Variants in RPA2 observed in about 807,000 individuals in gnomAD.
RPA2 encodes replication protein A 32 kDa subunit.
RPA2 carries 22 observed loss-of-function variants against 33.4 expected under a neutral mutation model. The ratio of observed to expected loss-of-function variants is 0.66; its 90% CI spans 0.47 to 0.94. The LOEUF (loss-of-function observed/expected upper bound fraction) is 0.94, where lower values mean the gene tolerates loss of function less well. Among genes scored for constraint, RPA2 ranks in the 40% least tolerant of loss-of-function variants. The probability of loss-of-function intolerance (pLI) is 0.00; values close to 1 mark genes in which losing one functional copy is unlikely to be tolerated. For missense variants in RPA2, 279 were observed against 329.9 expected, an observed-to-expected ratio of 0.85 and a Z score of 1.19; for synonymous variants, 109 against 114.9, an observed-to-expected ratio of 0.95 and a Z score of 0.33.
intron 6 of RPA2, among the ~76,000 whole-genome samples, chr1:27,895,624 G>A (rs922785461): frequency 6.3e-4 from 96 of 151,834 alleles, no homozygotes; most frequent in African/African-American, 2.1e-3. Flanking sequence ...CCAGCTACTC[G>A]GGAGGCTGAG....
chr1:27,913,964 C>G (rs958588113), intron 2 of RPA2, 99 bp downstream of exon 2: 2 of 1,096,908 alleles, frequency 1.8e-6, no homozygotes, highest in African/African-American at 1.6e-5. Flanking sequence ...CGCATCAGTT[C>G]ACGTTGAAAT....
intron 2 of RPA2, among the ~76,000 whole-genome samples, chr1:27,913,119 A>G (rs1010238947): frequency 6.6e-5 from 10 of 151,542 alleles, no homozygotes; most frequent in Admixed American, 6.6e-5. Context: ...CGCCTGGCTA[A>G]TTTTTGTATT....
At chr1:27,898,253 A>C (rs2089917453) in intron 4 of RPA2, among the ~76,000 whole-genome samples, 1 of 152,234 alleles carries the variant, frequency 6.6e-6, no homozygotes, top group South Asian at 2.1e-4. Flanking sequence ...ATTAAGATTT[A>C]GATTTATCAT....
At position 27,892,278 on chromosome 1, in the gene RPA2, T is replaced by C. The variant is rs536857342; in HGVS notation, c.729-31A>G. ...AAGAAAGAAGAAAAAAAAAAGGTCATTTTCAGGCCAATTCAGAAGGAAACT... is the reference window on the plus strand; with the variant it reads ...AAGAAAGAAGAAAAAAAAAAGGTCACTTTCAGGCCAATTCAGAAGGAAACT... On this transcript the variant is annotated intron_variant, in intron 8 of 8. Transcript: ENST00000373912. The C allele has an allele frequency of 3.2e-6, 5 of 1,585,438 alleles. No homozygotes were observed. The South Asian group carries it at 5.6e-5, about 18-fold the overall frequency.
In RPA2 at chr1:27,903,960, T is replaced by C. The variant is rs541247609; in HGVS notation, c.333+2968A>G. 2.7e-3 allele frequency among the ~76,000 whole-genome samples: 414 copies of C among 150,616 alleles called. 6 individuals are homozygous for C. Among genetic ancestry groups the C allele is most frequent in the African/African-American group, 9.7e-3 (397 of 40,902 alleles). The stretch of plus-strand genomic sequence containing the variant: ...CAGGTGGATCACCTGAGGTTGGGAG[T>C]TCGAGACCACCCTGACCAATACAGA... On this transcript the variant is annotated intron_variant, in intron 4 of 8. Coordinates refer to ENST00000373912, the MANE Select transcript of RPA2 (RefSeq NM_002946.5).
intron 2 of RPA2, 53 bp from the exon 3 acceptor site, chr1:27,907,335 A>T (rs960187213): frequency 9.7e-6 from 13 of 1,343,644 alleles, no homozygotes; most frequent in Non-Finnish European, 1.2e-5. Flanking sequence ...ACTACCACTC[A>T]TTCAACACCT....
At chr1:27,897,935 C>A (rs889628475) in intron 4 of RPA2, among the ~76,000 whole-genome samples, 1 of 152,182 alleles carries the variant, frequency 6.6e-6, no homozygotes, top group African/African-American at 2.4e-5. Context: ...TTCTGTAGCA[C>A]ATCATAAAAA....
At chr1:27,892,276 C>T in intron 8 of RPA2, 29 bp from the exon 9 acceptor site, 1 of 1,585,656 alleles carries the variant, frequency 6.3e-7, no homozygotes, top group South Asian at 1.1e-5. Context: ...AAAAAAAGGT[C>T]ATTTTCAGGC....
chr1:27,899,457 G>A (rs573797147), intron 4 of RPA2, among the ~76,000 whole-genome samples: 2 of 142,868 alleles, frequency 1.4e-5, no homozygotes, highest in East Asian at 2.3e-4. Context: ...GTGAGAGACT[G>A]TGCCACTGCA....
At position 27,892,143 on chromosome 1, in the gene RPA2, A is replaced by G. The variant is rs748865743; in HGVS notation, c.*20T>C. Reference sequence around the variant, plus strand: ...ACTAGGTCCAGCTGTAAAATATCTCAGGTACCCAGTTAGATCCAGTTATTC... The same window carrying G: ...ACTAGGTCCAGCTGTAAAATATCTCGGGTACCCAGTTAGATCCAGTTATTC... On this transcript the variant is annotated 3_prime_UTR_variant, in exon 9 of 9. Coordinates refer to ENST00000373912, the MANE Select transcript of RPA2 (RefSeq NM_002946.5). 3.1e-6 allele frequency: 5 copies of G among 1,588,572 alleles called. No homozygotes were observed. The highest frequency in any genetic ancestry group is 3.3e-5 in the Admixed American group (2 of 59,856).
chr1:27,905,441 G>A lies in RPA2; in HGVS notation c.333+1487C>T, dbSNP rs542348933. Among the ~76,000 whole-genome samples, 48 of 151,716 alleles carry A rather than the reference G, an allele frequency of 3.2e-4. 1 individual carries two copies. The South Asian group carries it at 5.8e-3, about 18-fold the overall frequency. On this transcript the variant is annotated intron_variant, in intron 4 of 8. Coordinates refer to ENST00000373912, the MANE Select transcript of RPA2 (RefSeq NM_002946.5). ...CCTGAGTAGCTGGGATTATAGGTGC[G>A]CAGAACCACGCCCGGCTAATTTTTG...
At chr1:27,906,717 T>C (rs1234680035) in intron 4 of RPA2, among the ~76,000 whole-genome samples, 1 of 152,160 alleles carries the variant, frequency 6.6e-6, no homozygotes, top group African/African-American at 2.4e-5. Context: ...GAACTTAACA[T>C]TCTACTGTCT....
Position 27,914,149 on chromosome 1 carries a change from T to G in RPA2, c.31A>C (p.Ser11Arg), listed in dbSNP as rs2090137852. The change falls in exon 2 of 9, where the codon AGC (serine) becomes CGC (arginine). Residue 11 changes from serine (S) to arginine (R), a missense_variant. By Grantham distance (110) the Ser-to-Arg change is moderately radical. Coordinates refer to ENST00000373912, the MANE Select transcript of RPA2 (RefSeq NM_002946.5). Reference sequence around the variant, plus strand: ...CCGCCGGCTCCCCCGTATGAGGAGCTGCCATAGCTTTCGAATCCACCTGTT... The same window carrying G: ...CCGCCGGCTCCCCCGTATGAGGAGCGGCCATAGCTTTCGAATCCACCTGTT... MWNSGFESYG[S>R]SSYGGAGGYT... 1 of 1,613,252 alleles carries G rather than the reference T, an allele frequency of 6.2e-7. No homozygotes were observed. Among genetic ancestry groups the G allele is most frequent in the African/African-American group, 1.3e-5 (1 of 74,634 alleles).
chr1:27,905,199 G>A (rs2090012961), intron 4 of RPA2, among the ~76,000 whole-genome samples: 1 of 152,104 alleles, frequency 6.6e-6, no homozygotes, highest in Non-Finnish European at 1.5e-5. Context: ...CTTCTTTGTG[G>A]CAATACACGC....
intron 5 of RPA2, 40 bp downstream of exon 5, chr1:27,897,593 A>C (rs776343772): frequency 1.2e-5 from 18 of 1,478,352 alleles, no homozygotes; most frequent in Admixed American, 5.9e-5. Context: ...AAACTGCTTC[A>C]TGCAAAAACA....
At chr1:27,900,615 A>C (rs1039318469) in intron 4 of RPA2, among the ~76,000 whole-genome samples, 3 of 152,056 alleles carry the variant, frequency 2.0e-5, no homozygotes, top group Non-Finnish European at 4.4e-5. Flanking sequence ...TGGAGCTTAA[A>C]GATATAACTG....
At chr1:27,896,726 G>A (rs531449525) in intron 6 of RPA2, among the ~76,000 whole-genome samples, 22 of 152,048 alleles carry the variant, frequency 1.4e-4, no homozygotes, top group Non-Finnish European at 2.8e-4. Context: ...CTATATAAGA[G>A]CTAAGAGCCT....
chr1:27,892,286 C>A (rs369279385), intron 8 of RPA2, 39 bp from the exon 9 acceptor site: 1 of 1,568,668 alleles, frequency 6.4e-7, no homozygotes, highest in Non-Finnish European at 8.8e-7. Context: ...CATTTTCAGG[C>A]CAATTCAGAA....
chr1:27,903,111 T>C (rs1227324703), intron 4 of RPA2, among the ~76,000 whole-genome samples: 1 of 152,070 alleles, frequency 6.6e-6, no homozygotes, highest in Non-Finnish European at 1.5e-5. Context: ...GTATTTTTAG[T>C]AGAGATGGGG....
Sources: gnomAD v4.1 joint callset for allele counts (sites outside exome capture counted in the v4.1 genomes callset) on GRCh38, gnomAD v4.1.1 for gene constraint, MANE v1.5 for transcripts, NCBI Gene and HGNC (gene_info 2026-07-23, HGNC 2026-07-21) for gene names.